Variants in CD36 observed in about 807,000 individuals in gnomAD.
CD36 encodes the protein platelet glycoprotein 4.
CD36 carries 119 observed loss-of-function variants against 55.2 expected under a neutral mutation model. That is an observed-to-expected ratio of 2.15 (90% confidence interval 1.86 to 2.51). The LOEUF (loss-of-function observed/expected upper bound fraction) is 2.51, where lower values mean the gene tolerates loss of function less well. Among genes scored for constraint, CD36 ranks in the 30% most tolerant of loss-of-function variants. The pLI, the probability that CD36 is intolerant of heterozygous loss-of-function variation, is 0.00. For missense variants in CD36, 819 were observed against 555.5 expected, an observed-to-expected ratio of 1.47 and a Z score of -4.77; for synonymous variants, 186 against 193.6, an observed-to-expected ratio of 0.96 and a Z score of 0.33.
Position 80,673,414 on chromosome 7 carries a change from G to T in CD36, c.1254+5G>T, listed in dbSNP as rs371153088. ...CCTATTCTTTGGCTTAATGAGGTTTGTATTTGCAGCTGTTAGTCATTAAAA... is the reference window on the plus strand; with the variant it reads ...CCTATTCTTTGGCTTAATGAGGTTTTTATTTGCAGCTGTTAGTCATTAAAA... On this transcript the variant is annotated splice_donor_5th_base_variant and intron_variant, in intron 13 of 14. Transcript: ENST00000447544. 1.2e-4 allele frequency: 187 copies of T among 1,551,630 alleles called. 1 individual carries two copies. The highest frequency in any genetic ancestry group is 4.5e-4 in the Admixed American group (27 of 59,726).
intron 1 of CD36, among the ~76,000 whole-genome samples, chr7:80,639,413 AAAGTT>A (rs1794662357): frequency 1.3e-5 from 2 of 152,008 alleles, no homozygotes; most frequent in Non-Finnish European, 2.9e-5. Context: ...GAATAAAAAT[AAAGTT>A]AATTTTTTTT....
At chr7:80,672,064 G>C (rs773344260) in intron 11 of CD36, 24 bp downstream of exon 11, 3 of 1,552,640 alleles carry the variant, frequency 1.9e-6, no homozygotes, top group Non-Finnish European at 2.7e-6. Flanking sequence ...TTATTGATCT[G>C]ATTTGGTTGA....
intron 5 of CD36, among the ~76,000 whole-genome samples, chr7:80,661,736 G>A (rs1430690417): frequency 2.0e-5 from 3 of 152,014 alleles, no homozygotes; most frequent in African/African-American, 7.2e-5. Context: ...GCTGCAAAAT[G>A]GGGAGAAAAA....
intron 1 of CD36, among the ~76,000 whole-genome samples, chr7:80,630,213 C>T (rs139069545): frequency 8.2e-4 from 125 of 152,094 alleles, no homozygotes; most frequent in African/African-American, 2.6e-3. Context: ...GTGTGTCAAA[C>T]TGTCATCGGG....
intron 3 of CD36, chr7:80,647,073 T>G: frequency 4.0e-6 from 2 of 503,128 alleles, no homozygotes; most frequent in South Asian, 2.1e-5. Context: ...CATTGCTGTC[T>G]TAAATATAAA....
chr7:80,645,000 A>C (rs887411938), intron 1 of CD36, among the ~76,000 whole-genome samples: 1 of 147,628 alleles, frequency 6.8e-6, no homozygotes, highest in Non-Finnish European at 1.5e-5. Context: ...CTCATTTCAC[A>C]AACTGTATTC....
intron 1 of CD36, among the ~76,000 whole-genome samples, chr7:80,612,373 C>A (rs192237327): frequency 1.3e-5 from 2 of 152,080 alleles, no homozygotes; most frequent in Admixed American, 6.5e-5. Context: ...GCACATATAC[C>A]ATAAAAACTA....
At chr7:80,666,583 G>A in intron 8 of CD36, 94 bp downstream of exon 8, 2 of 965,926 alleles carry the variant, frequency 2.1e-6, no homozygotes, top group East Asian at 2.4e-5. Context: ...AGTTGAGGGT[G>A]TGTGTTTACT....
chr7:80,672,000 C>CAAATGAAGAAGAACAT lies in CD36; in HGVS notation c.1087_1102dup (p.Arg368LysfsTer2), dbSNP rs1554346177. The CAAATGAAGAAGAACAT allele has an allele frequency of 1.9e-6, 3 of 1,608,384 alleles. No individual in the cohort carries two copies. The highest frequency in any genetic ancestry group is 2.6e-6 in the Non-Finnish European group (3 of 1,175,684). ...TCAGAACCTATTGATGGATTAAACCCAAATGAAGAAGAACATAGGACATAC... is the reference window on the plus strand; with the variant it reads ...TCAGAACCTATTGATGGATTAAACCCAAATGAAGAAGAACATAAATGAAGAAGAACATAGGACATAC... On this transcript the variant is annotated frameshift_variant, in exon 11 of 15. Transcript: ENST00000447544. LOFTEE classifies it high-confidence loss of function.
chr7:80,602,874 T>C (rs145639607), intron 1 of CD36, among the ~76,000 whole-genome samples: 1 of 152,192 alleles, frequency 6.6e-6, no homozygotes, highest in Non-Finnish European at 1.5e-5. Context: ...AATGACCTTC[T>C]TTCATGGAAC....
At chr7:80,673,028 T>TGG in intron 12 of CD36, 185 bp downstream of exon 12, 2 of 585,936 alleles carry the variant, frequency 3.4e-6, no homozygotes, top group South Asian at 4.6e-5. Context: ...AATGGTTTTA[T>TGG]GGTTTTATTT....
intron 3 of CD36, among the ~76,000 whole-genome samples, chr7:80,648,500 T>C (rs1262464330): frequency 6.6e-6 from 1 of 151,994 alleles, no homozygotes; most frequent in Non-Finnish European, 1.5e-5. Flanking sequence ...GCATGTGAGG[T>C]GCTAGCATTT....
intron 1 of CD36, among the ~76,000 whole-genome samples, chr7:80,607,908 C>T (rs1242492467): frequency 2.6e-5 from 4 of 152,064 alleles, no homozygotes; most frequent in African/African-American, 7.3e-5. Context: ...AGTGCTGGGA[C>T]TACAGGTGCC....
chr7:80,603,931 T>C (rs1792389938), intron 1 of CD36, among the ~76,000 whole-genome samples: 1 of 152,192 alleles, frequency 6.6e-6, no homozygotes, highest in South Asian at 2.1e-4. Context: ...CACAAATTAC[T>C]GATTAAGATG....
At chr7:80,609,821 A>G (rs1792775917) in intron 1 of CD36, among the ~76,000 whole-genome samples, 1 of 152,210 alleles carries the variant, frequency 6.6e-6, no homozygotes, top group African/African-American at 2.4e-5. Context: ...AAATAGTTAC[A>G]AAAAGCCTGA....
intron 1 of CD36, among the ~76,000 whole-genome samples, chr7:80,613,536 T>C (rs1181123297): frequency 6.6e-6 from 1 of 152,168 alleles, no homozygotes; most frequent in Admixed American, 6.5e-5. Flanking sequence ...TTTCCTATTT[T>C]GGAATAAAAC....
At chr7:80,640,904 C>G (rs1794765964) in intron 1 of CD36, among the ~76,000 whole-genome samples, 2 of 152,012 alleles carry the variant, frequency 1.3e-5, no homozygotes, top group Non-Finnish European at 2.9e-5. Context: ...AGATGTCTAT[C>G]AAGTTTTTTC....
intron 8 of CD36, 90 bp downstream of exon 8, chr7:80,666,579 G>A (rs1797116091): frequency 2.0e-6 from 2 of 1,008,142 alleles, no homozygotes; most frequent in Admixed American, 1.7e-5. Flanking sequence ...TGAAAGTTGA[G>A]GGTGTGTGTT....
At chr7:80,643,252 T>C (rs1527479) in intron 1 of CD36, among the ~76,000 whole-genome samples, 69,428 of 151,980 alleles carry the variant, frequency 0.46, 16,975 homozygotes, top group Non-Finnish European at 0.55. Flanking sequence ...GGTTGTGGCA[T>C]AGAATCTGGA....
Sources: allele counts gnomAD v4.1 joint callset (sites outside exome capture counted in the v4.1 genomes callset), GRCh38; gene constraint gnomAD v4.1.1; transcripts MANE v1.5; gene names NCBI Gene and HGNC (gene_info 2026-07-23, HGNC 2026-07-21).